The following LMO7 variants were observed in gnomAD, a reference collection of about 807,000 sequenced individuals.
The protein encoded by LMO7 is LIM domain 7, also known as LIM domain only protein 7.
Under a neutral mutation model 206.5 loss-of-function variants are expected in LMO7, and 120 were observed. The ratio of observed to expected loss-of-function variants is 0.58; its 90% CI spans 0.50 to 0.68. LMO7 has a LOEUF of 0.68. Among genes scored for constraint, LMO7 ranks in the 30% least tolerant of loss-of-function variants. LMO7 has a pLI of 0.00. For missense variants in LMO7, 1,959 were observed against 1,957.9 expected, an observed-to-expected ratio of 1.00 and a Z score of -0.01; for synonymous variants, 706 against 681.5, an observed-to-expected ratio of 1.04 and a Z score of -0.56.
intron 1 of LMO7, among the ~76,000 whole-genome samples, chr13:75,705,047 A>T (rs190191442): frequency 6.4e-4 from 97 of 152,324 alleles, no homozygotes; most frequent in African/African-American, 2.2e-3. Context: ...AGGTGGTAAG[A>T]CAGGTTTGGC....
chr13:75,782,705 TTC>T (rs1325301548), intron 4 of LMO7, among the ~76,000 whole-genome samples: 10 of 152,258 alleles, frequency 6.6e-5, no homozygotes, highest in Admixed American at 4.6e-4. Context: ...ATCCACTTCT[TTC>T]TGTCTCTTCT....
chr13:75,690,927 A>T (rs907474201), intron 1 of LMO7, among the ~76,000 whole-genome samples: 1 of 152,220 alleles, frequency 6.6e-6, no homozygotes, highest in Non-Finnish European at 1.5e-5. Context: ...TAATGTTGCA[A>T]GGAAATTTTC....
intron 3 of LMO7, among the ~76,000 whole-genome samples, chr13:75,759,731 A>G (rs12184601): frequency 0.14 from 20,568 of 152,172 alleles, 1,992 homozygotes; most frequent in East Asian, 0.35. Context: ...TTCTCTTGCC[A>G]CACCTTTCCT....
At chr13:75,677,302 T>C (rs2040093644) in intron 1 of LMO7, among the ~76,000 whole-genome samples, 2 of 152,214 alleles carry the variant, frequency 1.3e-5, no homozygotes, top group South Asian at 4.1e-4. Flanking sequence ...AGAGCTAACC[T>C]TTGACATTTA....
rs1001747694 is a variant in LMO7 at position 75,819,316 on chromosome 13, A to G, written c.2065-77A>G. Reference sequence around the variant, plus strand: ...AATAGTTTCAGTGATGTAATAAGATACTCTGGCACATTCTGTCTGCTAGAA... The same window carrying G: ...AATAGTTTCAGTGATGTAATAAGATGCTCTGGCACATTCTGTCTGCTAGAA... On this transcript the variant is annotated intron_variant, in intron 12 of 30. Transcript: ENST00000377534. 1.4e-5 allele frequency: 20 copies of G among 1,456,486 alleles called. No individual in the cohort carries two copies. In the African/African-American group the frequency reaches 2.9e-4, roughly 21 times the overall value. The allele number at this position is 1,456,486 out of a possible 1,614,324, so 90.2% of individuals were successfully genotyped here. A position where few individuals can be genotyped will look rare whatever the true frequency, so the allele number is the denominator to read the frequency against.
chr13:75,662,632 T>TAATGTGACAAAAGTTTTTC (rs149416214), intron 1 of LMO7, among the ~76,000 whole-genome samples: 9,879 of 152,300 alleles, frequency 0.065, 396 homozygotes, highest in Middle Eastern at 0.099. Flanking sequence ...CTAAGTTTTT[T>TAATGTGACAAAAGTTTTTC]AATGTGCCAA....
intron 3 of LMO7, among the ~76,000 whole-genome samples, chr13:75,751,545 T>G (rs1002866096): frequency 6.6e-6 from 1 of 152,140 alleles, no homozygotes; most frequent in Non-Finnish European, 1.5e-5. Context: ...GACAAGAGTA[T>G]TTGGTTAATT....
At chr13:75,686,492 A>G (rs940884379) in intron 1 of LMO7, among the ~76,000 whole-genome samples, 9 of 150,796 alleles carry the variant, frequency 6.0e-5, no homozygotes, top group African/African-American at 2.2e-4. Context: ...ACACCATATC[A>G]AGGGGTAAGC....
At chr13:75,791,419 C>T (rs1041703782) in intron 4 of LMO7, among the ~76,000 whole-genome samples, 1 of 152,184 alleles carries the variant, frequency 6.6e-6, no homozygotes, top group Non-Finnish European at 1.5e-5. Flanking sequence ...TGAGTATTGT[C>T]TCCTGAGCTT....
chr13:75,834,638 A>G (rs1202807952), intron 17 of LMO7, among the ~76,000 whole-genome samples: 1 of 152,194 alleles, frequency 6.6e-6, no homozygotes, highest in Non-Finnish European at 1.5e-5. Context: ...ACTGAATGCA[A>G]ATACCAACTG....
chr13:75,674,692 C>T (rs771071846), intron 1 of LMO7, among the ~76,000 whole-genome samples: 29 of 152,102 alleles, frequency 1.9e-4, no homozygotes, highest in Non-Finnish European at 3.7e-4. Context: ...TTGACCTTTT[C>T]CAAATAGGAC....
chr13:75,735,382 C>T lies in LMO7; in HGVS notation c.210+8284C>T, dbSNP rs1482955091. Among the ~76,000 whole-genome samples the T allele has an allele frequency of 2.0e-5, 3 of 151,974 alleles. No homozygotes were observed. The East Asian group carries it at 5.8e-4, about 30-fold the overall frequency. Reference sequence around the variant, plus strand: ...ATTTGTATACACACACACACACACACAACTTTCTACTAGTAATACAGTGAG... The same window carrying T: ...ATTTGTATACACACACACACACACATAACTTTCTACTAGTAATACAGTGAG... On this transcript the variant is annotated intron_variant, in intron 3 of 30. Coordinates refer to ENST00000377534, the MANE Select transcript of LMO7 (RefSeq NM_001306080.2).
chr13:75,632,862 G>GTTTTTGTTTTTTTTTTTTTTTTTTT (rs2035130827), upstream of LMO7, among the ~76,000 whole-genome samples: 1 of 102,138 alleles, frequency 9.8e-6, no homozygotes, highest in African/African-American at 4.0e-5. Context: ...TTACTTAAAA[G>GTTTTTGTTTTTTTTTTTTTTTTTTT]TTTTTTTTTT....
At chr13:75,640,463 C>T (rs903765163) in intron 1 of LMO7, among the ~76,000 whole-genome samples, 1 of 152,162 alleles carries the variant, frequency 6.6e-6, no homozygotes, top group Admixed American at 6.5e-5. Flanking sequence ...ACCTAGTGAA[C>T]ACCTCTTCAT....
At chr13:75,776,389 T>A (rs1425121946) in intron 4 of LMO7, among the ~76,000 whole-genome samples, 1 of 151,232 alleles carries the variant, frequency 6.6e-6, no homozygotes. Flanking sequence ...TGTCTCCCAC[T>A]CCTAAGTCAA....
chr13:75,711,619 C>A (rs931827387), intron 1 of LMO7, among the ~76,000 whole-genome samples: 4 of 152,224 alleles, frequency 2.6e-5, no homozygotes, highest in Non-Finnish European at 5.9e-5. Flanking sequence ...CGCTGCACCC[C>A]CCCTGTCCTG....
intron 2 of LMO7, among the ~76,000 whole-genome samples, chr13:75,717,844 T>C (rs1266875959): frequency 6.6e-6 from 1 of 152,228 alleles, no homozygotes; most frequent in Non-Finnish European, 1.5e-5. Context: ...TTAGAGGTGT[T>C]TCTGGTTTTG....
At chr13:75,797,858 T>C (rs1035931986) in intron 6 of LMO7, among the ~76,000 whole-genome samples, 7 of 151,100 alleles carry the variant, frequency 4.6e-5, no homozygotes, top group African/African-American at 1.7e-4. Context: ...ATTCAGGAAA[T>C]AGCTGAGATA....
chr13:75,628,346 A>T (rs2034478765), intron 2 of LMO7: 1 of 151,970 alleles, frequency 6.6e-6, no homozygotes, highest in Admixed American at 6.6e-5. Flanking sequence ...TTTCCCTCTT[A>T]TGTTCATTTC....
Sources: gnomAD v4.1 joint callset for allele counts (sites outside exome capture counted in the v4.1 genomes callset) on GRCh38, gnomAD v4.1.1 for gene constraint, MANE v1.5 for transcripts, NCBI Gene and HGNC (gene_info 2026-07-23, HGNC 2026-07-21) for gene names.